The following PTPRM variants were observed in gnomAD, a reference collection of about 807,000 sequenced individuals.
The protein encoded by PTPRM is protein tyrosine phosphatase receptor type M.
PTPRM carries 47 observed loss-of-function variants against 186.7 expected under a neutral mutation model. The ratio of observed to expected loss-of-function variants is 0.25; its 90% CI spans 0.20 to 0.32. PTPRM has a LOEUF of 0.32. Ranked by LOEUF, PTPRM falls within the 10% of genes least tolerant of loss-of-function variation. The pLI, the probability that PTPRM is intolerant of heterozygous loss-of-function variation, is 1.00. For missense variants in PTPRM, 1,494 were observed against 1,865.0 expected, an observed-to-expected ratio of 0.80 and a Z score of 3.66; for synonymous variants, 668 against 674.9, an observed-to-expected ratio of 0.99 and a Z score of 0.16.
chr18:7,577,634 A>G (rs1243934427), intron 1 of PTPRM, among the ~76,000 whole-genome samples: 2 of 152,184 alleles, frequency 1.3e-5, no homozygotes, highest in Non-Finnish European at 2.9e-5. Context: ...AAAACTTAAT[A>G]AAAAGAGGCT....
At chr18:7,859,997 G>C (rs550961723) in intron 2 of PTPRM, among the ~76,000 whole-genome samples, 40 of 152,254 alleles carry the variant, frequency 2.6e-4, no homozygotes, top group Non-Finnish European at 4.6e-4. Context: ...GTTTATATTT[G>C]AGAAAATTTA....
chr18:8,132,721 C>G (rs2092541770), intron 13 of PTPRM, among the ~76,000 whole-genome samples: 1 of 152,148 alleles, frequency 6.6e-6, no homozygotes, highest in Non-Finnish European at 1.5e-5. Flanking sequence ...CAGATACTCA[C>G]TTTGTGTCTC....
intron 19 of PTPRM, among the ~76,000 whole-genome samples, chr18:8,294,596 CA>C (rs1276656410): frequency 6.6e-6 from 1 of 152,136 alleles, no homozygotes; most frequent in Admixed American, 6.5e-5. Flanking sequence ...GGTGGGGACA[CA>C]GCCAAACCAT....
In PTPRM at chr18:7,744,764, C is replaced by T. The variant is rs557589197; in HGVS notation, c.74-29385C>T. ...CCACTATGAGGATAATTGTGTTCAT[C>T]GACTTTTATCTTATTTTTGACTGAG... On this transcript the variant is annotated intron_variant, in intron 1 of 32. Coordinates refer to ENST00000580170, the MANE Select transcript of PTPRM (RefSeq NM_001105244.2). Among the ~76,000 whole-genome samples the T allele has an allele frequency of 3.9e-5, 6 of 152,164 alleles. No individual in the cohort carries two copies. In the East Asian group the frequency reaches 5.8e-4, roughly 15 times the overall value.
Position 8,232,087 on chromosome 18 carries a change from G to A in PTPRM, c.2301-11971G>A, listed in dbSNP as rs188125593. Among the ~76,000 whole-genome samples the A allele has an allele frequency of 7.2e-5, 11 of 152,172 alleles. 1 individual carries two copies. Among genetic ancestry groups the A allele is most frequent in the African/African-American group, 7.2e-5 (3 of 41,510 alleles). On this transcript the variant is annotated intron_variant, in intron 14 of 32. Coordinates refer to ENST00000580170, the MANE Select transcript of PTPRM (RefSeq NM_001105244.2). Reference sequence around the variant, plus strand: ...TCTGCCTGTTTATCCCTCCCTTTCCGTTAACCTTTGACAATCACTAATCCT... The same window carrying A: ...TCTGCCTGTTTATCCCTCCCTTTCCATTAACCTTTGACAATCACTAATCCT...
intron 13 of PTPRM, among the ~76,000 whole-genome samples, chr18:8,126,027 A>ATATATATATATATATTTTTTT (rs57751538): frequency 2.9e-5 from 2 of 69,536 alleles, no homozygotes; most frequent in Admixed American, 2.1e-4. Flanking sequence ...ATATATATAT[A>ATATATATATATATATTTTTTT]TTTTAAATCA....
intron 4 of PTPRM, among the ~76,000 whole-genome samples, chr18:7,913,837 T>C (rs973350048): frequency 6.6e-6 from 1 of 152,118 alleles, no homozygotes; most frequent in East Asian, 1.9e-4. Flanking sequence ...AAAAAAGAGA[T>C]AAAGCCCTTC....
At chr18:7,807,921 CA>C (rs1424472528) in intron 2 of PTPRM, among the ~76,000 whole-genome samples, 1 of 152,182 alleles carries the variant, frequency 6.6e-6, no homozygotes, top group African/African-American at 2.4e-5. Context: ...CCTGCAGGTA[CA>C]AACATAACCT....
chr18:7,594,896 A>G (rs537195935), intron 1 of PTPRM, among the ~76,000 whole-genome samples: 1 of 152,328 alleles, frequency 6.6e-6, no homozygotes, highest in African/African-American at 2.4e-5. Context: ...CTCACAAGGT[A>G]AAAAATAGCT....
intron 7 of PTPRM, among the ~76,000 whole-genome samples, chr18:8,047,033 C>T (rs2148223257): frequency 6.6e-6 from 1 of 152,284 alleles, no homozygotes; most frequent in East Asian, 1.9e-4. Flanking sequence ...TTTGATTCTT[C>T]CCTGAGAATT....
At chr18:8,392,768 C>G (rs1022807226) in intron 31 of PTPRM, among the ~76,000 whole-genome samples, 2 of 152,062 alleles carry the variant, frequency 1.3e-5, no homozygotes, top group African/African-American at 4.8e-5. Flanking sequence ...CAGAAAAGAA[C>G]AAAAGAGCCA....
At chr18:7,613,483 G>A (rs1047581053) in intron 1 of PTPRM, among the ~76,000 whole-genome samples, 2 of 152,094 alleles carry the variant, frequency 1.3e-5, no homozygotes, top group African/African-American at 4.8e-5. Context: ...GACCATCCTG[G>A]CCAAAATGCT....
At chr18:7,579,138 C>T (rs1225795866) in intron 1 of PTPRM, among the ~76,000 whole-genome samples, 1 of 152,086 alleles carries the variant, frequency 6.6e-6, no homozygotes, top group Admixed American at 6.5e-5. Context: ...AAAAAGCCCC[C>T]TGAAATTAGC....
At chr18:7,996,774 A>G (rs2083561725) in intron 7 of PTPRM, among the ~76,000 whole-genome samples, 1 of 151,402 alleles carries the variant, frequency 6.6e-6, no homozygotes, top group African/African-American at 2.4e-5. Flanking sequence ...AAATCAAGAA[A>G]GCTATCGCAT....
At chr18:7,767,309 A>G (rs1373313375) in intron 1 of PTPRM, among the ~76,000 whole-genome samples, 2 of 152,252 alleles carry the variant, frequency 1.3e-5, no homozygotes, top group East Asian at 1.9e-4. Flanking sequence ...ATATCTCAGT[A>G]GAGATAAATT....
rs2095216075 is a variant in PTPRM, at chr18:8,305,893, A to C, written c.2843-8888A>C. ...AAGATGTTGCTTTTATTCACAGAAAAGGGGTAATTTTTTTTTTTTTTTGGA... is the reference window on the plus strand; with the variant it reads ...AAGATGTTGCTTTTATTCACAGAAACGGGGTAATTTTTTTTTTTTTTTGGA... On this transcript the variant is annotated intron_variant, in intron 20 of 32. Coordinates refer to ENST00000580170, the MANE Select transcript of PTPRM (RefSeq NM_001105244.2). Among the ~76,000 whole-genome samples, 3 of 147,658 alleles carry C rather than the reference A, an allele frequency of 2.0e-5. No individual in the cohort carries two copies. In the South Asian group the frequency reaches 6.4e-4, roughly 32 times the overall value.
chr18:7,888,320 A>T lies in PTPRM; in HGVS notation c.411A>T (p.Thr137=). The change falls in exon 3 of 33, where the codon ACA becomes ACT. Residue 137 remains threonine, a synonymous_variant. Coordinates refer to ENST00000580170, the MANE Select transcript of PTPRM (RefSeq NM_001105244.2). ...NPIWNISGDP[T]RTWNRAELAI... is the part of the protein sequence containing the mutation. Reference sequence around the variant, plus strand: ...TCTGGAATATATCTGGAGACCCAACACGTACATGGAACAGGGCAGAACTGG... The same window carrying T: ...TCTGGAATATATCTGGAGACCCAACTCGTACATGGAACAGGGCAGAACTGG... The T allele has an allele frequency of 6.2e-7, 1 of 1,614,198 alleles. No homozygotes were observed. Among genetic ancestry groups the T allele is most frequent in the Non-Finnish European group, 8.5e-7 (1 of 1,180,022 alleles).
chr18:7,827,109 C>T (rs2045525711), intron 2 of PTPRM, among the ~76,000 whole-genome samples: 1 of 152,176 alleles, frequency 6.6e-6, no homozygotes, highest in South Asian at 2.1e-4. Flanking sequence ...AAAACAAAAA[C>T]AAAAACAAAA....
At position 8,084,378 on chromosome 18, in the gene PTPRM, G is replaced by C. The variant is rs139442171; in HGVS notation, c.1552-1293G>C. Among the ~76,000 whole-genome samples, 909 of 152,234 alleles carry C rather than the reference G, an allele frequency of 6.0e-3. 12 individuals are homozygous for C. Among genetic ancestry groups the C allele is most frequent in the African/African-American group, 0.021 (861 of 41,544 alleles). On this transcript the variant is annotated intron_variant, in intron 9 of 32. Transcript: ENST00000580170. ...CTGACGTCCTTCGCTCAGCCACTAGGGGGTAGATTGGCTTTGTCTCTTCTT... is the reference window on the plus strand; with the variant it reads ...CTGACGTCCTTCGCTCAGCCACTAGCGGGTAGATTGGCTTTGTCTCTTCTT...
Sources: allele counts gnomAD v4.1 joint callset (sites outside exome capture counted in the v4.1 genomes callset), GRCh38; gene constraint gnomAD v4.1.1; transcripts MANE v1.5; gene names NCBI Gene and HGNC (gene_info 2026-07-23, HGNC 2026-07-21).